Variants in BLVRA observed in about 807,000 individuals in gnomAD.
BLVRA encodes biliverdin reductase A.
A neutral mutation model predicts 32.8 loss-of-function variants in BLVRA; 22 were observed. The ratio of observed to expected loss-of-function variants is 0.67; its 90% confidence interval spans 0.48 to 0.96. The LOEUF (loss-of-function observed/expected upper bound fraction) is 0.96. BLVRA is among the 40% of genes least tolerant of loss of function. The pLI, the probability that BLVRA is intolerant of heterozygous loss-of-function variation, is 0.00. For missense variants in BLVRA, 323 were observed against 358.1 expected, an observed-to-expected ratio of 0.90 and a Z score of 0.79; for synonymous variants, 119 against 141.3, an observed-to-expected ratio of 0.84 and a Z score of 1.12.
intron 2 of BLVRA, among the ~76,000 whole-genome samples, chr7:43,786,717 A>G (rs1300118476): frequency 2.0e-5 from 3 of 152,218 alleles, no homozygotes; most frequent in African/African-American, 7.2e-5. Flanking sequence ...AGAAATCAAT[A>G]ATAGAAAAAC....
At chr7:43,764,645 C>T (rs555539029) in intron 1 of BLVRA, among the ~76,000 whole-genome samples, 1 of 152,186 alleles carries the variant, frequency 6.6e-6, no homozygotes, top group East Asian at 1.9e-4. Context: ...ACCTTTGTGC[C>T]TGGGAACTTG....
intron 6 of BLVRA, among the ~76,000 whole-genome samples, chr7:43,801,144 T>G (rs2095798234): frequency 6.6e-6 from 1 of 152,136 alleles, no homozygotes; most frequent in Admixed American, 6.5e-5. Flanking sequence ...GAAACACAGA[T>G]GTGCGCCACA....
At position 43,778,247 on chromosome 7, in the gene BLVRA, C is replaced by T. The variant is rs549695892; in HGVS notation, c.12+7077C>T. Among the ~76,000 whole-genome samples the T allele has an allele frequency of 5.6e-4, 85 of 152,318 alleles. 1 individual carries two copies. The East Asian group carries it at 6.4e-3, about 11-fold the overall frequency. On this transcript the variant is annotated intron_variant, in intron 2 of 7. Coordinates refer to ENST00000265523, the MANE Select transcript of BLVRA (RefSeq NM_000712.4). ...CTTTTTAGAGTTTCCAGTTTTTCTGCTCTGTTTTTTCCCCATCTTTGTGGT... is the reference window on the plus strand; with the variant it reads ...CTTTTTAGAGTTTCCAGTTTTTCTGTTCTGTTTTTTCCCCATCTTTGTGGT...
rs759271732 is a variant in BLVRA at position 43,803,723 on chromosome 7, A to C, written c.508A>C (p.Ile170Leu). 4 of 1,613,716 alleles carry C rather than the reference A, an allele frequency of 2.5e-6. No homozygotes were observed. Among genetic ancestry groups the C allele is most frequent in the Non-Finnish European group, 3.4e-6 (4 of 1,179,946 alleles). Reference protein sequence around the residue: ...ERFGFPAFSGISRLTWLVSLF... With the variant: ...ERFGFPAFSGLSRLTWLVSLF... ...GTTTGGCTTCCCTGCATTCAGCGGC[A>C]TCTCTCGCCTGACCTGGCTGGTCTC... Residue 170 changes from isoleucine (I) to leucine (L), a missense_variant, in exon 7 of 8, where the codon ATC (isoleucine) becomes CTC (leucine). Transcript: ENST00000265523.
At chr7:43,775,440 C>T (rs1478796273) in intron 2 of BLVRA, among the ~76,000 whole-genome samples, 1 of 152,070 alleles carries the variant, frequency 6.6e-6, no homozygotes, top group African/African-American at 2.4e-5. Flanking sequence ...GCTGGATTAC[C>T]GTTATTGATT....
chr7:43,777,097 AT>A (rs1269055529), intron 2 of BLVRA, among the ~76,000 whole-genome samples: 1 of 150,304 alleles, frequency 6.7e-6, no homozygotes, highest in East Asian at 1.9e-4. Context: ...TCTTTATCCA[AT>A]TTGCCAGTCT....
rs149562009 is a variant in BLVRA at position 43,800,816 on chromosome 7, G to T, written c.460+244G>T. On this transcript the variant is annotated intron_variant, in intron 6 of 7. Transcript: ENST00000265523. ...ACTAGTTGGAGATTATTTTTCAACAGGAAGTTGTACATTAAAACTCTTTTA... is the reference window on the plus strand; with the variant it reads ...ACTAGTTGGAGATTATTTTTCAACATGAAGTTGTACATTAAAACTCTTTTA... 5.7e-3 allele frequency among the ~76,000 whole-genome samples: 862 copies of T among 152,230 alleles called. 9 individuals are homozygous for T. Among genetic ancestry groups the T allele is most frequent in the African/African-American group, 0.02 (833 of 41,516 alleles).
chr7:43,780,426 A>G (rs149007593), intron 2 of BLVRA, among the ~76,000 whole-genome samples: 3 of 152,286 alleles, frequency 2.0e-5, no homozygotes, highest in African/African-American at 4.8e-5. Context: ...TGATGGCTCT[A>G]ATGGTAAAAA....
intron 5 of BLVRA, among the ~76,000 whole-genome samples, chr7:43,799,562 T>A (rs1333245760): frequency 6.6e-6 from 1 of 152,186 alleles, no homozygotes; most frequent in East Asian, 1.9e-4. Context: ...AACCTCCACC[T>A]CCCAGGTTCA....
At chr7:43,778,576 G>A (rs1020328016) in intron 2 of BLVRA, among the ~76,000 whole-genome samples, 5 of 152,350 alleles carry the variant, frequency 3.3e-5, no homozygotes, top group East Asian at 1.9e-4. Context: ...CTACTTGGGG[G>A]TGCCTCCCAG....
chr7:43,762,941 A>G (rs950445507), intron 1 of BLVRA, among the ~76,000 whole-genome samples: 2 of 151,888 alleles, frequency 1.3e-5, no homozygotes, highest in East Asian at 3.9e-4. Context: ...TGTTACTGAC[A>G]TTTCTGATTG....
intron 1 of BLVRA, among the ~76,000 whole-genome samples, chr7:43,762,605 CCTTTTTT>C (rs2095743566): frequency 8.4e-6 from 1 of 118,652 alleles, no homozygotes. Flanking sequence ...CCCAGTAGTT[CCTTTTTT>C]TTTTTTTTTT....
At chr7:43,800,267 C>A (rs1008949667) in intron 5 of BLVRA, 198 bp from the exon 6 acceptor site, 1 of 574,766 alleles carries the variant, frequency 1.7e-6, no homozygotes, top group Non-Finnish European at 3.2e-6. Context: ...TCATTTCATT[C>A]ATTTCTGTTG....
intron 5 of BLVRA, among the ~76,000 whole-genome samples, chr7:43,799,499 T>G (rs10244587): frequency 0.15 from 22,299 of 152,144 alleles, 2,208 homozygotes; most frequent in Non-Finnish European, 0.22. Context: ...TTTATTTTTA[T>G]TTTTATTTTT....
In BLVRA at chr7:43,765,452, A is replaced by G. The variant is rs149000527; in HGVS notation, c.-21-5686A>G. On this transcript the variant is annotated intron_variant, in intron 1 of 7. Coordinates refer to ENST00000265523, the MANE Select transcript of BLVRA (RefSeq NM_000712.4). ...ATTTTAGTAGAGACACGGTTTCACC[A>G]TGTTGGCCAGGCTCGTCTTGAACTC... Among the ~76,000 whole-genome samples, 333 of 152,174 alleles carry G rather than the reference A, an allele frequency of 2.2e-3. 2 individuals are homozygous for G. Among genetic ancestry groups the G allele is most frequent in the African/African-American group, 7.7e-3 (320 of 41,500 alleles).
intron 3 of BLVRA, among the ~76,000 whole-genome samples, chr7:43,789,876 CGTGTGT>C (rs141385505): frequency 3.4e-5 from 5 of 149,118 alleles, no homozygotes; most frequent in East Asian, 2.0e-4. Flanking sequence ...GTGGTATGTA[CGTGTGT>C]GTGTGTGTGT....
chr7:43,784,840 C>T (rs934201099), intron 2 of BLVRA, among the ~76,000 whole-genome samples: 56 of 152,232 alleles, frequency 3.7e-4, no homozygotes, highest in Middle Eastern at 3.4e-3. Flanking sequence ...AACTCCTGAC[C>T]TCAAGTGATC....
At chr7:43,767,104 C>T (rs1162357538) in intron 1 of BLVRA, among the ~76,000 whole-genome samples, 1 of 152,234 alleles carries the variant, frequency 6.6e-6, no homozygotes, top group Non-Finnish European at 1.5e-5. Context: ...GCATATGCAT[C>T]TCTCCACATC....
At chr7:43,770,170 G>A (rs1465208905) in intron 1 of BLVRA, among the ~76,000 whole-genome samples, 1 of 152,130 alleles carries the variant, frequency 6.6e-6, no homozygotes, top group Non-Finnish European at 1.5e-5. Flanking sequence ...CATCGTCATC[G>A]GCTTCCTGGA....
Sources: gnomAD v4.1 joint callset for allele counts (sites outside exome capture counted in the v4.1 genomes callset) on GRCh38, gnomAD v4.1.1 for gene constraint, MANE v1.5 for transcripts, NCBI Gene and HGNC (gene_info 2026-07-23, HGNC 2026-07-21) for gene names.